EPHA6: variants seen among roughly 807,000 people sequenced by gnomAD.
EPHA6 encodes EPH receptor A6, also known as ephrin type-A receptor 6.
EPHA6 carries 50 observed loss-of-function variants against 112.0 expected under a neutral mutation model. That is an observed-to-expected ratio of 0.45 (90% CI 0.36 to 0.56). The LOEUF is 0.56. Among genes scored for constraint, EPHA6 ranks in the 20% least tolerant of loss-of-function variants. The pLI, the probability that EPHA6 is intolerant of heterozygous loss-of-function variation, is 0.00. For synonymous variants in EPHA6, 529 were observed against 490.7 expected, an observed-to-expected ratio of 1.08 and a Z score of -1.03; for missense variants, 1,280 against 1,417.4, an observed-to-expected ratio of 0.90 and a Z score of 1.56.
chr3:96,888,361 G>A (rs1033701006), intron 2 of EPHA6, among the ~76,000 whole-genome samples: 2 of 152,148 alleles, frequency 1.3e-5, no homozygotes, highest in African/African-American at 4.8e-5. Flanking sequence ...AGCTTCACCA[G>A]TTGGGGTGTA....
chr3:97,630,996 G>A (rs2107534185), intron 13 of EPHA6, among the ~76,000 whole-genome samples: 1 of 151,946 alleles, frequency 6.6e-6, no homozygotes. Context: ...TTTTCTCATT[G>A]GCACAAATCT....
Position 97,099,858 on chromosome 3 carries a change from G to T in EPHA6, c.1114+111865G>T, listed in dbSNP as rs193265407. ...AGCTGACTACTTTGGATTATGAAGT[G>T]AGTGAGAAATAAACCTGTAGTGTTT... On this transcript the variant is annotated intron_variant, in intron 3 of 17. Transcript: ENST00000389672. 4.5e-4 allele frequency among the ~76,000 whole-genome samples: 69 copies of T among 152,108 alleles called. 1 individual carries two copies. The highest frequency in any genetic ancestry group is 1.4e-3 in the African/African-American group (57 of 41,548).
intron 2 of EPHA6, among the ~76,000 whole-genome samples, chr3:96,972,258 T>G (rs956024511): frequency 4.6e-5 from 7 of 152,124 alleles, no homozygotes; most frequent in Admixed American, 3.3e-4. Flanking sequence ...CTCCAAGTAT[T>G]TATGTCCTTT....
At position 97,050,393 on chromosome 3, in the gene EPHA6, C is replaced by T. The variant is rs77308829; in HGVS notation, c.1114+62400C>T. ...ACTCAGTAGTGGCTTTTGGTAGACT[C>T]GAGCTACATGTGACTCGGGCTGGGA... On this transcript the variant is annotated intron_variant, in intron 3 of 17. Coordinates refer to ENST00000389672, the MANE Select transcript of EPHA6 (RefSeq NM_001080448.3). Among the ~76,000 whole-genome samples the T allele has an allele frequency of 3.5e-3, 532 of 152,216 alleles. 3 individuals carry two copies. The highest frequency in any genetic ancestry group is 0.012 in the African/African-American group (511 of 41,522).
At chr3:96,874,911 G>A (rs1398312742) in intron 2 of EPHA6, among the ~76,000 whole-genome samples, 2 of 151,988 alleles carry the variant, frequency 1.3e-5, no homozygotes, top group Non-Finnish European at 2.9e-5. Flanking sequence ...TTCTAGGAGA[G>A]CAGGAAAAAA....
intron 2 of EPHA6, among the ~76,000 whole-genome samples, chr3:96,869,270 G>C (rs1374052909): frequency 1.3e-5 from 2 of 151,708 alleles, no homozygotes; most frequent in African/African-American, 2.4e-5. Flanking sequence ...GCCAAAGAAT[G>C]TGTCTTCAGG....
At chr3:97,745,287 A>G (rs1241633946) in intron 16 of EPHA6, 8 of 407,614 alleles carry the variant, frequency 2.0e-5, no homozygotes, top group Middle Eastern at 4.0e-4. Context: ...AAATACAGCA[A>G]CAATTCAAGT....
At chr3:97,226,460 C>G in intron 4 of EPHA6, 41 bp downstream of exon 4, 2 of 1,531,404 alleles carry the variant, frequency 1.3e-6, no homozygotes, top group Non-Finnish European at 1.8e-6. Flanking sequence ...CTGTTTCCAA[C>G]CCTTTTGGTC....
intron 10 of EPHA6, among the ~76,000 whole-genome samples, chr3:97,531,550 C>T (rs749048118): frequency 3.3e-5 from 5 of 152,028 alleles, no homozygotes; most frequent in African/African-American, 7.2e-5. Flanking sequence ...CTTCCAGCCC[C>T]CACTGTTCTT....
intron 2 of EPHA6, among the ~76,000 whole-genome samples, chr3:96,958,275 A>G (rs1409210694): frequency 6.6e-6 from 1 of 151,652 alleles, no homozygotes; most frequent in Non-Finnish European, 1.5e-5. Context: ...GGATGACAAA[A>G]GCGAAACTCT....
intron 14 of EPHA6, among the ~76,000 whole-genome samples, chr3:97,671,378 G>A (rs1009778992): frequency 1.3e-5 from 2 of 152,258 alleles, no homozygotes; most frequent in African/African-American, 2.4e-5. Flanking sequence ...ATGACAAGAC[G>A]TAGGACTTCT....
At chr3:96,904,303 T>C (rs963845818) in intron 2 of EPHA6, among the ~76,000 whole-genome samples, 1 of 151,842 alleles carries the variant, frequency 6.6e-6, no homozygotes, top group African/African-American at 2.4e-5. Flanking sequence ...TCATGTCCTT[T>C]ATAGGGACAT....
intron 5 of EPHA6, among the ~76,000 whole-genome samples, chr3:97,387,359 A>G (rs2086134263): frequency 1.4e-5 from 2 of 138,806 alleles, no homozygotes; most frequent in African/African-American, 5.7e-5. Flanking sequence ...ATAAGCTTTT[A>G]GAAGCAGCCA....
At chr3:96,917,373 C>T (rs1396494360) in intron 2 of EPHA6, among the ~76,000 whole-genome samples, 3 of 140,434 alleles carry the variant, frequency 2.1e-5, no homozygotes, top group East Asian at 4.3e-4. Context: ...GAGCCAATAT[C>T]GTGCCGCTAC....
At chr3:97,093,065 C>A (rs2047123877) in intron 3 of EPHA6, among the ~76,000 whole-genome samples, 1 of 151,950 alleles carries the variant, frequency 6.6e-6, no homozygotes, top group African/African-American at 2.4e-5. Flanking sequence ...GACACAGTCA[C>A]CTTTATTCAT....
At chr3:96,859,807 C>A (rs1347595029) in intron 1 of EPHA6, among the ~76,000 whole-genome samples, 1 of 152,018 alleles carries the variant, frequency 6.6e-6, no homozygotes, top group Non-Finnish European at 1.5e-5. Flanking sequence ...CAATTACTGA[C>A]AATTTTGATG....
chr3:97,530,676 G>A (rs531415475), intron 10 of EPHA6, among the ~76,000 whole-genome samples: 4 of 151,644 alleles, frequency 2.6e-5, no homozygotes, highest in Admixed American at 2.6e-4. Context: ...CATATGCACT[G>A]AATTTTCAGT....
rs779027131 is a variant in EPHA6 at position 97,637,867 on chromosome 3, T to C, written c.2575-6T>C. Reference sequence around the variant, plus strand: ...ATCAATTTACACAATTGTGATTCTCTTGCAGAAGCATGATGGCCACTTCAC... The same window carrying C: ...ATCAATTTACACAATTGTGATTCTCCTGCAGAAGCATGATGGCCACTTCAC... On this transcript the variant is annotated splice_polypyrimidine_tract_variant and splice_region_variant and intron_variant, in intron 13 of 17. Transcript: ENST00000389672. The C allele has an allele frequency of 1.2e-6, 2 of 1,611,814 alleles. No individual in the cohort carries two copies. The highest frequency in any genetic ancestry group is 2.2e-5 in the South Asian group (2 of 91,056).
rs189649515 is a variant in EPHA6, at chr3:97,399,129, C to G, written c.1607-6021C>G. Among the ~76,000 whole-genome samples, 333 of 151,556 alleles carry G rather than the reference C, an allele frequency of 2.2e-3. 3 individuals carry two copies. The highest frequency in any genetic ancestry group is 7.8e-3 in the African/African-American group (322 of 41,460). On this transcript the variant is annotated intron_variant, in intron 5 of 17. Coordinates refer to ENST00000389672, the MANE Select transcript of EPHA6 (RefSeq NM_001080448.3). The stretch of plus-strand genomic sequence containing the variant: ...CCTCCCCTTCCAAGTCTCTAGTAAC[C>G]ATTATTCTATGCTGTACAATAAGAT...
Sources: allele counts gnomAD v4.1 joint callset (sites outside exome capture counted in the v4.1 genomes callset), GRCh38; gene constraint gnomAD v4.1.1; transcripts MANE v1.5; gene names NCBI Gene and HGNC (gene_info 2026-07-23, HGNC 2026-07-21).